Variants in MECOM observed in about 807,000 individuals in gnomAD.
MECOM encodes the protein histone-lysine N-methyltransferase MECOM.
In MECOM, 13 loss-of-function variants were observed where a neutral mutation model predicts 116.3. The observed-to-expected ratio is 0.11, with a 90% CI of 0.07 to 0.18. MECOM has a LOEUF of 0.18. Ranked by LOEUF, MECOM falls within the 10% of genes least tolerant of loss-of-function variation. The pLI, the probability that MECOM is intolerant of heterozygous loss-of-function variation, is 1.00. For synonymous variants in MECOM, 528 were observed against 535.2 expected, an observed-to-expected ratio of 0.99 and a Z score of 0.19; for missense variants, 1,299 against 1,509.0, an observed-to-expected ratio of 0.86 and a Z score of 2.31.
intron 1 of MECOM, among the ~76,000 whole-genome samples, chr3:169,382,879 A>AAAAAAGAAG (rs1358767356): frequency 2.9e-5 from 4 of 138,554 alleles, no homozygotes; most frequent in African/African-American, 5.4e-5. Context: ...AAAAATAAAA[A>AAAAAAGAAG]AAGAAGGTAA....
chr3:169,461,023 G>T (rs377430774), intron 1 of MECOM, among the ~76,000 whole-genome samples: 5 of 152,138 alleles, frequency 3.3e-5, no homozygotes, highest in Admixed American at 6.6e-5. Flanking sequence ...CAGTAAATCT[G>T]CAGCCTTAAA....
chr3:169,275,533 T>C (rs867728040), intron 2 of MECOM, among the ~76,000 whole-genome samples: 5 of 152,224 alleles, frequency 3.3e-5, no homozygotes, highest in Non-Finnish European at 7.3e-5. Flanking sequence ...GGAACATTGT[T>C]ACCCTGCTAA....
chr3:169,584,810 G>A (rs1167020984), intron 1 of MECOM, among the ~76,000 whole-genome samples: 3 of 152,074 alleles, frequency 2.0e-5, no homozygotes, highest in Admixed American at 6.6e-5. Flanking sequence ...AGTGGTCCAC[G>A]CTGCCCAGCA....
intron 1 of MECOM, among the ~76,000 whole-genome samples, chr3:169,512,840 C>T (rs1756149374): frequency 6.6e-6 from 1 of 152,286 alleles, no homozygotes; most frequent in Non-Finnish European, 1.5e-5. Flanking sequence ...CCATCCTCAA[C>T]ACTTTCATCA....
chr3:169,489,156 T>G (rs970575435), intron 1 of MECOM, among the ~76,000 whole-genome samples: 4 of 151,960 alleles, frequency 2.6e-5, no homozygotes, highest in Admixed American at 6.6e-5. Context: ...CCTAGAAAAA[T>G]AAAACTTACT....
intron 1 of MECOM, among the ~76,000 whole-genome samples, chr3:169,486,008 A>ATATATATGTATATATAGTATATATATAC (rs1560341417): frequency 2.7e-5 from 1 of 36,472 alleles, no homozygotes; most frequent in South Asian, 1.2e-3. Flanking sequence ...TATATATACT[A>ATATATATGTATATATAGTATATATATAC]TATATATATG....
At chr3:169,546,203 C>T (rs1297701794) in intron 1 of MECOM, among the ~76,000 whole-genome samples, 1 of 152,136 alleles carries the variant, frequency 6.6e-6, no homozygotes, top group African/African-American at 2.4e-5. Context: ...GTATCTTACT[C>T]TATATATGCT....
At chr3:169,212,848 G>A (rs1750949831) in intron 2 of MECOM, among the ~76,000 whole-genome samples, 1 of 150,932 alleles carries the variant, frequency 6.6e-6, no homozygotes, top group South Asian at 2.1e-4. Flanking sequence ...CACACCTGCT[G>A]TGGCCTCTTC....
chr3:169,158,067 C>CT (rs1742274462), intron 2 of MECOM, among the ~76,000 whole-genome samples: 1 of 118,082 alleles, frequency 8.5e-6, no homozygotes, highest in South Asian at 2.4e-4. Flanking sequence ...TATTCCTCCA[C>CT]CCCACATCCA....
rs886938659 is a variant in MECOM at position 169,566,816 on chromosome 3, C to T, written c.37+96520G>A. 3.9e-5 allele frequency among the ~76,000 whole-genome samples: 6 copies of T among 152,336 alleles called. No individual in the cohort carries two copies. The South Asian group carries it at 6.2e-4, about 16-fold the overall frequency. On this transcript the variant is annotated intron_variant, in intron 1 of 16. Transcript: ENST00000651503. ...CTGCCCACCTATGCAGGAATGAATT[C>T]GTGAAAACCTGGCCAGGCATTCCAC...
At chr3:169,564,730 G>A (rs1351733444) in intron 1 of MECOM, among the ~76,000 whole-genome samples, 1 of 152,126 alleles carries the variant, frequency 6.6e-6, no homozygotes, top group Non-Finnish European at 1.5e-5. Flanking sequence ...ACACTAAAAG[G>A]TTTCATGTAA....
intron 2 of MECOM, among the ~76,000 whole-genome samples, chr3:169,336,018 T>A (rs980025288): frequency 1.3e-5 from 2 of 152,116 alleles, no homozygotes; most frequent in African/African-American, 4.8e-5. Context: ...GAATTTGCGA[T>A]TTTTTAGCGT....
chr3:169,118,159 C>G (rs1347576423), intron 7 of MECOM, among the ~76,000 whole-genome samples: 2 of 151,948 alleles, frequency 1.3e-5, no homozygotes, highest in African/African-American at 4.8e-5. Flanking sequence ...AAAACTCACC[C>G]AGAGCTTGGA....
chr3:169,131,679 T>C (rs1482987585), intron 3 of MECOM, 148 bp from the exon 4 acceptor site: 10 of 724,390 alleles, frequency 1.4e-5, no homozygotes, highest in Non-Finnish European at 2.2e-5. Context: ...AAGTGTGATT[T>C]CCTGTTTTAT....
At chr3:169,608,089 C>A (rs960658028) in intron 1 of MECOM, among the ~76,000 whole-genome samples, 3 of 152,182 alleles carry the variant, frequency 2.0e-5, no homozygotes, top group Non-Finnish European at 4.4e-5. Context: ...CTGATCCGAT[C>A]CAGTGCCCAC....
intron 2 of MECOM, among the ~76,000 whole-genome samples, chr3:169,356,034 A>G (rs957178824): frequency 6.6e-6 from 1 of 151,840 alleles, no homozygotes; most frequent in African/African-American, 2.4e-5. Context: ...TTCATTTTCC[A>G]TGCCTAAGCT....
intron 11 of MECOM, among the ~76,000 whole-genome samples, 171 bp from the exon 12 acceptor site, chr3:169,101,133 A>T (rs1723421641): frequency 6.6e-6 from 1 of 150,954 alleles, no homozygotes; most frequent in Admixed American, 6.6e-5. Context: ...TAATATAAAT[A>T]ACTCTACAAA....
At chr3:169,610,527 G>A (rs13089528) in intron 1 of MECOM, among the ~76,000 whole-genome samples, 71,227 of 150,970 alleles carry the variant, frequency 0.47, 16,866 homozygotes, top group East Asian at 0.57. Flanking sequence ...GTGTGTGTGT[G>A]TATAATATCC....
At chr3:169,377,239 G>C (rs1002312788) in intron 2 of MECOM, among the ~76,000 whole-genome samples, 1 of 152,096 alleles carries the variant, frequency 6.6e-6, no homozygotes, top group African/African-American at 2.4e-5. Flanking sequence ...AGAAAACCTA[G>C]GCAATACCAT....
Sources: gnomAD v4.1 joint callset for allele counts (sites outside exome capture counted in the v4.1 genomes callset) on GRCh38, gnomAD v4.1.1 for gene constraint, MANE v1.5 for transcripts, NCBI Gene and HGNC (gene_info 2026-07-23, HGNC 2026-07-21) for gene names.